The following VWA3B variants were observed in gnomAD, a reference collection of about 807,000 sequenced individuals.
VWA3B encodes the protein von Willebrand factor A domain containing 3B, also known as von Willebrand factor A domain-containing protein 3B.
Under a neutral mutation model 158.3 loss-of-function variants are expected in VWA3B, and 138 were observed. The observed-to-expected ratio is 0.87, with a 90% CI of 0.76 to 1.00. The LOEUF is 1.00. Ranked by LOEUF, VWA3B falls within the 50% of genes least tolerant of loss-of-function variation. The pLI, the probability that VWA3B is intolerant of heterozygous loss-of-function variation, is 0.00. For synonymous variants in VWA3B, 596 were observed against 587.3 expected, an observed-to-expected ratio of 1.01 and a Z score of -0.21; for missense variants, 1,555 against 1,565.1, an observed-to-expected ratio of 0.99 and a Z score of 0.11.
chr2:98,311,880 C>G lies in VWA3B; in HGVS notation c.3583C>G (p.Gln1195Glu), dbSNP rs188630993. The change falls in exon 27 of 28, where the codon CAG (glutamine) becomes GAG (glutamate). Residue 1195 changes from glutamine to glutamate, a missense_variant. Gln to Glu is a conservative substitution (Grantham distance 29, BLOSUM62 2). Coordinates refer to ENST00000477737, the MANE Select transcript of VWA3B (RefSeq NM_144992.5). Reference sequence around the variant, plus strand: ...CTGGCCACTGAAAGAAGCGGACACGCAGGATTCCAGAGAGCCAAGACGAGA... The same window carrying G: ...CTGGCCACTGAAAGAAGCGGACACGGAGGATTCCAGAGAGCCAAGACGAGA... Reference protein sequence around the residue: ...LFWPLKEADTQDSREPRREKP... With the variant: ...LFWPLKEADTEDSREPRREKP... 19 of 1,612,316 alleles carry G rather than the reference C, an allele frequency of 1.2e-5. No individual in the cohort carries two copies. The highest frequency in any genetic ancestry group is 5.0e-5 in the Admixed American group (3 of 59,784).
rs375505311 is a variant in VWA3B at position 98,230,196 on chromosome 2, T to A, written c.2297T>A (p.Val766Asp). Reference protein sequence around the residue: ...LSDQKVQKKKVLHAESTKTSL... With the variant: ...LSDQKVQKKKDLHAESTKTSL... ...GATCAAAAGGTTCAGAAAAAGAAAG[T>A]CCTTCACGCAGGTATCAGTGAACAA... The change falls in exon 16 of 28, where the codon GTC becomes GAC. Residue 766 changes from valine to aspartate, a missense_variant. Transcript: ENST00000477737. 1.5e-5 allele frequency: 24 copies of A among 1,577,550 alleles called. No individual in the cohort carries two copies. In the African/African-American group the frequency reaches 3.0e-4, roughly 20 times the overall value.
At chr2:98,249,297 CACA>C (rs1686641550) in intron 19 of VWA3B, among the ~76,000 whole-genome samples, 2 of 152,060 alleles carry the variant, frequency 1.3e-5, no homozygotes, top group African/African-American at 4.8e-5. Flanking sequence ...TAGTGAATAG[CACA>C]ACATTTCTTG....
intron 24 of VWA3B, among the ~76,000 whole-genome samples, chr2:98,298,919 T>C (rs1017756318): frequency 1.3e-5 from 2 of 152,202 alleles, no homozygotes; most frequent in Admixed American, 1.3e-4. Context: ...TAGTGCCCTA[T>C]GTAGATGAAG....
At chr2:98,263,189 A>G (rs72817793) in intron 21 of VWA3B, among the ~76,000 whole-genome samples, 20,350 of 151,850 alleles carry the variant, frequency 0.13, 2,080 homozygotes, top group Non-Finnish European at 0.2. Context: ...GGTTTTCTAC[A>G]TGGAAAATCA....
Position 98,128,273 on chromosome 2 carries a change from T to C in VWA3B, c.737T>C (p.Val246Ala), listed in dbSNP as rs1675543246. The change falls in exon 6 of 28, where the codon GTT becomes GCT. Residue 246 changes from valine (V) to alanine (A), a missense_variant. Val to Ala is a moderately conservative substitution (Grantham distance 64). Coordinates refer to ENST00000477737, the MANE Select transcript of VWA3B (RefSeq NM_144992.5). ...ATTTACTACTTTGTGGTGGGGGATG[T>C]TCCTGAAGAATCCAAGGAGCTTCTC... is the stretch of plus-strand genomic sequence containing the variant. ...ESIYYFVVGD[V>A]PEESKELLLQ... 2 of 1,614,188 alleles carry C rather than the reference T, an allele frequency of 1.2e-6. No homozygotes were observed. The highest frequency in any genetic ancestry group is 2.2e-5 in the East Asian group (1 of 44,884).
At chr2:98,282,130 T>C (rs1688912776) in intron 22 of VWA3B, among the ~76,000 whole-genome samples, 2 of 152,212 alleles carry the variant, frequency 1.3e-5, no homozygotes, top group Non-Finnish European at 2.9e-5. Context: ...ATGTCATCTT[T>C]CTGGAACAAA....
intron 8 of VWA3B, among the ~76,000 whole-genome samples, chr2:98,169,418 G>A (rs1303657080): frequency 5.4e-5 from 8 of 148,796 alleles, no homozygotes. Context: ...GCTGACAAAG[G>A]AAATAAAATG....
At chr2:98,109,620 T>C (rs1489511778) in intron 2 of VWA3B, among the ~76,000 whole-genome samples, 1 of 152,152 alleles carries the variant, frequency 6.6e-6, no homozygotes, top group Non-Finnish European at 1.5e-5. Flanking sequence ...TTCCTGATGG[T>C]CCAAGGTTCC....
Position 98,310,486 on chromosome 2 carries a change from G to A in VWA3B, c.3522-1333G>A, listed in dbSNP as rs189627429. 5.6e-3 allele frequency among the ~76,000 whole-genome samples: 846 copies of A among 151,582 alleles called. 4 individuals are homozygous for A. Among genetic ancestry groups the A allele is most frequent in the African/African-American group, 0.019 (802 of 41,480 alleles). ...TCCGCTTCTTGTCGCTCCTCTTTCT[G>A]AGAGATTATAGCTTAGGGACTGGAC... On this transcript the variant is annotated intron_variant, in intron 26 of 27. Coordinates refer to ENST00000477737, the MANE Select transcript of VWA3B (RefSeq NM_144992.5).
chr2:98,096,303 T>C (rs1682705892), intron 2 of VWA3B, among the ~76,000 whole-genome samples: 1 of 152,160 alleles, frequency 6.6e-6, no homozygotes, highest in African/African-American at 2.4e-5. Flanking sequence ...GAGTCTTGCT[T>C]TGTTGCCCAG....
intron 20 of VWA3B, among the ~76,000 whole-genome samples, chr2:98,252,062 G>A (rs1169440617): frequency 6.6e-6 from 1 of 152,166 alleles, no homozygotes; most frequent in Non-Finnish European, 1.5e-5. Flanking sequence ...GCTGTCCCCA[G>A]CTGGGTCTTT....
chr2:98,200,275 G>A (rs909984633), intron 12 of VWA3B, among the ~76,000 whole-genome samples: 1 of 152,132 alleles, frequency 6.6e-6, no homozygotes, highest in East Asian at 1.9e-4. Context: ...AGGCACGGTG[G>A]CTCACGCCTG....
At chr2:98,304,167 T>C (rs1385023145) in intron 26 of VWA3B, among the ~76,000 whole-genome samples, 2 of 152,194 alleles carry the variant, frequency 1.3e-5, no homozygotes, top group Non-Finnish European at 2.9e-5. Context: ...AGCAAGGGGC[T>C]GGCCCTGGCT....
intron 21 of VWA3B, among the ~76,000 whole-genome samples, chr2:98,269,079 C>T (rs1688043070): frequency 6.6e-6 from 1 of 152,094 alleles, no homozygotes; most frequent in African/African-American, 2.4e-5. Flanking sequence ...TTATTTTGCT[C>T]ATTTGATTGG....
Position 98,270,863 on chromosome 2 carries a change from G to T in VWA3B, c.3025G>T (p.Ala1009Ser), listed in dbSNP as rs1425636470. ...CCAGGAGGCTGCCAAGAAGAATTAT[G>T]CAAACAAGGCCCCGGGAGAGGTGGG... ...ELQEAAKKNY[A>S]NKAPGEQQKL... Residue 1009 changes from alanine to serine, a missense_variant, in exon 22 of 28, where the codon GCA becomes TCA. Ala to Ser is a moderately conservative substitution (Grantham distance 99). Coordinates refer to ENST00000477737, the MANE Select transcript of VWA3B (RefSeq NM_144992.5). The T allele has an allele frequency of 3.1e-6, 5 of 1,613,982 alleles. No individual in the cohort carries two copies. Among genetic ancestry groups the T allele is most frequent in the Non-Finnish European group, 4.2e-6 (5 of 1,179,924 alleles).
At chr2:98,326,833 A>G in the VWA3B span, among the ~76,000 whole-genome samples, 1 of 152,108 alleles carries the variant, frequency 6.6e-6, no homozygotes, top group African/African-American at 2.4e-5. Context: ...GGAATAGGGG[A>G]AGGGGCCAGA....
intron 26 of VWA3B, among the ~76,000 whole-genome samples, chr2:98,304,018 A>G (rs966493712): frequency 2.6e-5 from 4 of 152,226 alleles, no homozygotes; most frequent in African/African-American, 9.6e-5. Context: ...CTCAAATTCT[A>G]CATTATTTGA....
At chr2:98,226,190 T>A (rs1684904167) in intron 14 of VWA3B, among the ~76,000 whole-genome samples, 1 of 152,244 alleles carries the variant, frequency 6.6e-6, no homozygotes, top group South Asian at 2.1e-4. Context: ...GCTTACTATG[T>A]AGCTGCATTC....
At chr2:98,151,846 A>C (rs1034435126) in intron 7 of VWA3B, among the ~76,000 whole-genome samples, 2 of 152,248 alleles carry the variant, frequency 1.3e-5, no homozygotes. Flanking sequence ...TTGACATTCC[A>C]TTAATGGTAG....
Sources: gnomAD v4.1 joint callset for allele counts (sites outside exome capture counted in the v4.1 genomes callset) on GRCh38, gnomAD v4.1.1 for gene constraint, MANE v1.5 for transcripts, NCBI Gene and HGNC (gene_info 2026-07-23, HGNC 2026-07-21) for gene names.